FUBP1: variants seen among roughly 807,000 people sequenced by gnomAD.
FUBP1 encodes the protein far upstream element binding protein 1, also known as far upstream element-binding protein 1.
Under a neutral mutation model 94.9 loss-of-function variants are expected in FUBP1, and 16 were observed. That is an observed-to-expected ratio of 0.17 (90% CI 0.11 to 0.26). FUBP1 has a LOEUF of 0.26. Ranked by LOEUF, FUBP1 falls within the 10% of genes least tolerant of loss-of-function variation. The pLI is 1.00. For synonymous variants in FUBP1, 279 were observed against 254.9 expected (o/e 1.09, Z -0.90); for missense variants, 583 against 808.6 (o/e 0.72, Z 3.38).
At chr1:77,966,195 T>C (rs1427453394) in intron 7 of FUBP1, among the ~76,000 whole-genome samples, 1 of 152,110 alleles carries the variant, frequency 6.6e-6, no homozygotes, top group African/African-American at 2.4e-5. Context: ...GTAGGTTTAG[T>C]GGTAGGGAAA....
intron 18 of FUBP1, among the ~76,000 whole-genome samples, chr1:77,954,465 C>T (rs1002553): frequency 0.012 from 1,774 of 152,200 alleles, 33 homozygotes; most frequent in African/African-American, 0.041. Flanking sequence ...ACCAGTTGTG[C>T]AAAACAACTT....
chr1:77,948,643 A>AT lies in FUBP1; in HGVS notation c.*122_*123insA. ...ACATTTTCAAAAAAAAAAAAAAAAA[A>AT]GGAAACACTATTTTAAACCAAAAAC... On this transcript the variant is annotated 3_prime_UTR_variant, in exon 20 of 20. Coordinates refer to ENST00000370768, the MANE Select transcript of FUBP1 (RefSeq NM_003902.5). 7.4e-7 allele frequency: 1 copy of AT among 1,360,540 alleles called. No individual in the cohort carries two copies. The highest frequency in any genetic ancestry group is 9.7e-7 in the Non-Finnish European group (1 of 1,026,836). 84.3% of individuals were successfully genotyped at this position (1,360,540 alleles called of 1,614,324 possible). A position where few individuals can be genotyped will look rare whatever the true frequency, so the allele number is the denominator to read the frequency against.
chr1:77,965,647 T>C (rs548501326), intron 7 of FUBP1, among the ~76,000 whole-genome samples: 74 of 152,316 alleles, frequency 4.9e-4, no homozygotes, highest in Admixed American at 7.8e-4. Context: ...TTCTAGGTAA[T>C]GGGGTAATAG....
rs1449336759 is a variant in FUBP1 at position 77,944,534 on chromosome 1, T to A, written c.*4232A>T. 6.6e-6 allele frequency among the ~76,000 whole-genome samples: 1 copy of A among 151,914 alleles called. No individual in the cohort carries two copies. Among genetic ancestry groups the A allele is most frequent in the African/African-American group, 2.4e-5 (1 of 41,426 alleles). On this transcript the variant is annotated 3_prime_UTR_variant, in exon 20 of 20. Coordinates refer to ENST00000370768, the MANE Select transcript of FUBP1 (RefSeq NM_003902.5). ...AATTATCTTTAATTAGGTATTGTTA[T>A]AATGCATTTTAAAGTGAGGCAGAGT... is the stretch of plus-strand genomic sequence containing the variant.
In FUBP1 at chr1:77,956,599, G is replaced by A; in HGVS notation, c.1678C>T (p.Pro560Ser). 6.2e-7 allele frequency: 1 copy of A among 1,612,218 alleles called. No individual in the cohort carries two copies. The highest frequency in any genetic ancestry group is 8.5e-7 in the Non-Finnish European group (1 of 1,178,390). The change falls in exon 17 of 20, where the codon CCA becomes TCA. Residue 560 changes from proline (P) to serine (S), a missense_variant. Coordinates refer to ENST00000370768, the MANE Select transcript of FUBP1 (RefSeq NM_003902.5). ...TGTCCATTAGTTTGAGTTGTAGTTG[G>A]TGCACCTGCAGGGGCTGCTGGTGGT... ...QPPPAAPAGA[P>S]TTTQTNGQGD...
Position 77,978,867 on chromosome 1 carries a change from C to A in FUBP1, c.120+18G>T. 6.2e-7 allele frequency: 1 copy of A among 1,613,694 alleles called. No individual in the cohort carries two copies. On this transcript the variant is annotated intron_variant, in intron 1 of 19. Transcript: ENST00000370768. ...TTACCGTGAGCTTTCGGGATTCCGC[C>A]GCGCGGTCCACACTTACCTGCCGGG...
At chr1:77,968,866 C>A (rs561034486) in intron 2 of FUBP1, among the ~76,000 whole-genome samples, 2 of 152,220 alleles carry the variant, frequency 1.3e-5, no homozygotes, top group Non-Finnish European at 2.9e-5. Flanking sequence ...TTCTCCTCCC[C>A]CCTTCAAACT....
intron 18 of FUBP1, among the ~76,000 whole-genome samples, chr1:77,953,464 C>A (rs1404632274): frequency 6.6e-6 from 1 of 152,142 alleles, no homozygotes; most frequent in Admixed American, 6.5e-5. Context: ...GCACTCCAGC[C>A]TGGGCGAGAG....
chr1:77,969,565 AATCC>A (rs1165376109), intron 2 of FUBP1, among the ~76,000 whole-genome samples: 1 of 152,142 alleles, frequency 6.6e-6, no homozygotes, highest in Non-Finnish European at 1.5e-5. Flanking sequence ...AGCATATTAA[AATCC>A]ATTCACGTAT....
intron 14 of FUBP1, among the ~76,000 whole-genome samples, chr1:77,961,927 C>T (rs1047590183): frequency 6.6e-6 from 1 of 152,122 alleles, no homozygotes. Flanking sequence ...GTTCCTTAAG[C>T]GTCTTTTGTA....
At chr1:77,956,165 G>A (rs1654423691) in intron 17 of FUBP1, among the ~76,000 whole-genome samples, 1 of 152,190 alleles carries the variant, frequency 6.6e-6, no homozygotes, top group East Asian at 1.9e-4. Context: ...AGGGCTGTAT[G>A]ATGGTTATGT....
chr1:77,948,507 T>C lies in FUBP1; in HGVS notation c.*259A>G. The stretch of plus-strand genomic sequence containing the variant: ...TATCACAAAGCATCAACCACATAAT[T>C]GCAAATACATTTGCTGGAATGTGTA... On this transcript the variant is annotated 3_prime_UTR_variant, in exon 20 of 20. Transcript: ENST00000370768. 1 of 1,235,836 alleles carries C rather than the reference T, an allele frequency of 8.1e-7. No individual in the cohort carries two copies. The highest frequency in any genetic ancestry group is 1.0e-6 in the Non-Finnish European group (1 of 983,376). The allele number at this position is 1,235,836 out of a possible 1,614,324, so 76.6% of individuals were successfully genotyped here. A position where few individuals can be genotyped will look rare whatever the true frequency, so the allele number is the denominator to read the frequency against.
At chr1:77,968,324 T>TGAACCAAAACTGC (rs1553125765) in intron 2 of FUBP1, 121 bp from the exon 3 acceptor site, 2 of 653,412 alleles carry the variant, frequency 3.1e-6, no homozygotes, top group African/African-American at 2.0e-5. Context: ...GTTTATCATT[T>TGAACCAAAACTGC]GAACCAAAAC....
intron 18 of FUBP1, 118 bp downstream of exon 18, chr1:77,955,137 A>G (rs1026561706): frequency 1.8e-6 from 1 of 570,528 alleles, no homozygotes. Context: ...ACTATAATTT[A>G]CAACTGTCTT....
chr1:77,969,005 T>A, intron 2 of FUBP1: 1 of 1,056,540 alleles, frequency 9.5e-7, no homozygotes, highest in African/African-American at 1.6e-5. Context: ...ACACAGGTAA[T>A]AAATAAAAAT....
chr1:77,964,696 C>A lies in FUBP1; in HGVS notation c.787G>T (p.Glu263Ter). ...CTTGACCCATACTCATTCCGAACTT[C>A]TCTGAAACCGCCTTGATCACGAATT... ...ELIRDQGGFREVRNEYGSRIG... is the reference protein window; with the variant it reads ...ELIRDQGGFR Residue 263 changes from glutamate to a stop codon, truncating the protein, a stop_gained, in exon 10 of 20, where the codon GAA (glutamate) becomes TAA (stop). Coordinates refer to ENST00000370768, the MANE Select transcript of FUBP1 (RefSeq NM_003902.5). LOFTEE classifies it high-confidence loss of function. 1 of 1,613,406 alleles carries A rather than the reference C, an allele frequency of 6.2e-7. No individual in the cohort carries two copies. The highest frequency in any genetic ancestry group is 8.5e-7 in the Non-Finnish European group (1 of 1,179,358).
chr1:77,947,610 G>A lies in FUBP1; in HGVS notation c.*1156C>T. On this transcript the variant is annotated 3_prime_UTR_variant, in exon 20 of 20. Coordinates refer to ENST00000370768, the MANE Select transcript of FUBP1 (RefSeq NM_003902.5). ...TGCATGTAGTCTAATATATTAATAT[G>A]CAAAGAGCCAACAAATATGCAAAGA... 3 of 1,067,094 alleles carry A rather than the reference G, an allele frequency of 2.8e-6. No individual in the cohort carries two copies. Among genetic ancestry groups the A allele is most frequent in the Non-Finnish European group, 3.9e-6 (3 of 766,858 alleles). 66.1% of individuals were successfully genotyped at this position (1,067,094 alleles called of 1,614,324 possible).
intron 1 of FUBP1, among the ~76,000 whole-genome samples, chr1:77,973,227 G>A (rs1238028752): frequency 6.6e-6 from 1 of 151,852 alleles, no homozygotes; most frequent in African/African-American, 2.4e-5. Context: ...ATGAGGTGTG[G>A]GAAACTTTTT....
chr1:77,975,010 A>T (rs1234238464), intron 1 of FUBP1, among the ~76,000 whole-genome samples: 1 of 152,236 alleles, frequency 6.6e-6, no homozygotes, highest in East Asian at 1.9e-4. Flanking sequence ...GTATACTTAA[A>T]GCATCTCTAA....
Sources: allele counts gnomAD v4.1 joint callset (sites outside exome capture counted in the v4.1 genomes callset), GRCh38; gene constraint gnomAD v4.1.1; transcripts MANE v1.5; gene names NCBI Gene and HGNC (gene_info 2026-07-23, HGNC 2026-07-21).